Variants in MEI4 observed in about 807,000 individuals in gnomAD.
MEI4 encodes the protein meiotic double-stranded break formation protein 4.
Under a neutral mutation model 31.4 loss-of-function variants are expected in MEI4, and 27 were observed. That is an observed-to-expected ratio of 0.86 (90% CI 0.63 to 1.19). The LOEUF (loss-of-function observed/expected upper bound fraction) is 1.19, where lower values mean the gene tolerates loss of function less well. Among genes scored for constraint, MEI4 ranks in the 50% most tolerant of loss-of-function variants. The pLI is 0.00. For missense variants in MEI4, 329 were observed against 398.9 expected (o/e 0.82, Z 1.49); for synonymous variants, 122 against 145.4 (o/e 0.84, Z 1.16).
chr6:77,883,749 T>G (rs939760745), intron 4 of MEI4, among the ~76,000 whole-genome samples: 30 of 145,850 alleles, frequency 2.1e-4, no homozygotes, highest in Non-Finnish European at 3.9e-4. Flanking sequence ...TATATAACTT[T>G]GTCTTTGTCT....
At chr6:77,898,325 GA>G (rs942327154) in intron 4 of MEI4, among the ~76,000 whole-genome samples, 1 of 151,998 alleles carries the variant, frequency 6.6e-6, no homozygotes, top group Non-Finnish European at 1.5e-5. Context: ...GTTTCCTACT[GA>G]ATTATCATGG....
intron 4 of MEI4, among the ~76,000 whole-genome samples, chr6:77,913,327 C>G (rs1490983690): frequency 6.6e-6 from 1 of 152,042 alleles, no homozygotes; most frequent in East Asian, 1.9e-4. Flanking sequence ...GAATTCACTC[C>G]TCTTCAGTTG....
At chr6:77,887,192 TC>T (rs1184387117) in intron 4 of MEI4, among the ~76,000 whole-genome samples, 1 of 151,948 alleles carries the variant, frequency 6.6e-6, no homozygotes, top group Non-Finnish European at 1.5e-5. Context: ...GTTTTTTTTT[TC>T]CTTCTTAATT....
At chr6:77,715,274 A>G (rs1289503694) in intron 2 of MEI4, among the ~76,000 whole-genome samples, 2 of 152,216 alleles carry the variant, frequency 1.3e-5, no homozygotes, top group Non-Finnish European at 2.9e-5. Context: ...TGGATGAACG[A>G]TAATACTAAA....
At chr6:77,791,572 C>T (rs1317650741) in intron 3 of MEI4, among the ~76,000 whole-genome samples, 1 of 149,302 alleles carries the variant, frequency 6.7e-6, no homozygotes, top group Non-Finnish European at 1.5e-5. Flanking sequence ...GGGAGATATA[C>T]CTAATGCTAG....
intron 4 of MEI4, among the ~76,000 whole-genome samples, chr6:77,864,091 G>A (rs1562016803): frequency 6.6e-6 from 1 of 152,120 alleles, no homozygotes; most frequent in Non-Finnish European, 1.5e-5. Context: ...CACTAAACAT[G>A]GAAAGGAACA....
At chr6:77,842,225 A>G (rs946296648) in intron 4 of MEI4, among the ~76,000 whole-genome samples, 1 of 152,120 alleles carries the variant, frequency 6.6e-6, no homozygotes, top group African/African-American at 2.4e-5. Context: ...CTCCAACCAT[A>G]ATATAATTTT....
Position 77,768,442 on chromosome 6 carries a change from G to A in MEI4, c.768+6777G>A, listed in dbSNP as rs144627880. On this transcript the variant is annotated intron_variant, in intron 3 of 4. Coordinates refer to ENST00000684080, the MANE Select transcript of MEI4 (RefSeq NM_001322247.2). ...GGGCTGGGTGCGGTGGCTCACGCCTGTAACCCCAGCACTTTGGGAGGCTGA... is the reference window on the plus strand; with the variant it reads ...GGGCTGGGTGCGGTGGCTCACGCCTATAACCCCAGCACTTTGGGAGGCTGA... 1.4e-3 allele frequency among the ~76,000 whole-genome samples: 213 copies of A among 152,278 alleles called. 1 individual carries two copies. The highest frequency in any genetic ancestry group is 4.5e-3 in the African/African-American group (187 of 41,554).
chr6:77,859,634 T>C (rs1373026190), intron 4 of MEI4, among the ~76,000 whole-genome samples: 2 of 152,234 alleles, frequency 1.3e-5, no homozygotes, highest in Non-Finnish European at 2.9e-5. Context: ...TGAGCTTTTT[T>C]TCATATGTTT....
At chr6:77,834,331 G>T (rs999917632) in intron 4 of MEI4, among the ~76,000 whole-genome samples, 2 of 147,662 alleles carry the variant, frequency 1.4e-5, no homozygotes, top group African/African-American at 4.9e-5. Context: ...TCAAAAATTA[G>T]TATAATTTTC....
At chr6:77,824,816 T>G (rs189749282) in intron 3 of MEI4, among the ~76,000 whole-genome samples, 1 of 152,310 alleles carries the variant, frequency 6.6e-6, no homozygotes, top group Non-Finnish European at 1.5e-5. Context: ...CCTAAATTCT[T>G]AGTTCACATT....
chr6:77,830,214 T>C (rs1309586327), intron 4 of MEI4, among the ~76,000 whole-genome samples: 1 of 152,054 alleles, frequency 6.6e-6, no homozygotes, highest in African/African-American at 2.4e-5. Flanking sequence ...TAACTGAATG[T>C]AGAGGCATTA....
At position 77,737,668 on chromosome 6, in the gene MEI4, G is replaced by T. The variant is rs546152087; in HGVS notation, c.233-23462G>T. On this transcript the variant is annotated intron_variant, in intron 2 of 4. Coordinates refer to ENST00000684080, the MANE Select transcript of MEI4 (RefSeq NM_001322247.2). Reference sequence around the variant, plus strand: ...AATAAATAAGCCTTGAGACTATTGGGAGTGGGAGTGAGGAGAGCATCACAG... The same window carrying T: ...AATAAATAAGCCTTGAGACTATTGGTAGTGGGAGTGAGGAGAGCATCACAG... Among the ~76,000 whole-genome samples, 8 of 152,300 alleles carry T rather than the reference G, an allele frequency of 5.3e-5. 1 individual carries two copies. The South Asian group carries it at 1.2e-3, about 24-fold the overall frequency.
chr6:77,697,126 T>G (rs1766069610), intron 2 of MEI4, among the ~76,000 whole-genome samples: 2 of 152,218 alleles, frequency 1.3e-5, no homozygotes, highest in Admixed American at 6.5e-5. Context: ...CCGTTATCAT[T>G]TTTTATTGTG....
chr6:77,882,609 G>A (rs1771515897), intron 4 of MEI4, among the ~76,000 whole-genome samples: 1 of 152,100 alleles, frequency 6.6e-6, no homozygotes, highest in Non-Finnish European at 1.5e-5. Context: ...GCGTTGAGAG[G>A]ATATGAATTA....
At chr6:77,777,045 A>C (rs1028773745) in intron 3 of MEI4, among the ~76,000 whole-genome samples, 3 of 152,192 alleles carry the variant, frequency 2.0e-5, no homozygotes, top group Non-Finnish European at 4.4e-5. Context: ...TACTGGGGGT[A>C]AAGTATACAC....
rs1315994932 is a variant in MEI4, at chr6:77,841,314, C to CATATATATATAT, written c.900+12261_900+12272dup. ...TACTGAGAAAGGTTACAAATGTGTG[C>CATATATATATAT]ATATATATATATATATATATTTTTT... On this transcript the variant is annotated intron_variant, in intron 4 of 4. Transcript: ENST00000684080. 6.5e-3 allele frequency among the ~76,000 whole-genome samples: 338 copies of CATATATATATAT among 51,864 alleles called. 16 individuals carry two copies. The highest frequency in any genetic ancestry group is 9.6e-3 in the Middle Eastern group (1 of 104). 34.0% of individuals were successfully genotyped at this position (51,864 alleles called of 152,430 possible). A position where few individuals can be genotyped will look rare whatever the true frequency, so the allele number is the denominator to read the frequency against.
chr6:77,698,048 G>T (rs1480397709), intron 2 of MEI4, among the ~76,000 whole-genome samples: 1 of 152,096 alleles, frequency 6.6e-6, no homozygotes, highest in Non-Finnish European at 1.5e-5. Context: ...TTTGATCTTT[G>T]TTGGTTTAAA....
At chr6:77,909,749 C>A (rs1465382453) in intron 4 of MEI4, among the ~76,000 whole-genome samples, 3 of 151,946 alleles carry the variant, frequency 2.0e-5, no homozygotes, top group Non-Finnish European at 4.4e-5. Flanking sequence ...GGCAGAGACA[C>A]AACAAAAAAA....
Sources: allele counts gnomAD v4.1 joint callset (sites outside exome capture counted in the v4.1 genomes callset), GRCh38; gene constraint gnomAD v4.1.1; transcripts MANE v1.5; gene names NCBI Gene and HGNC (gene_info 2026-07-23, HGNC 2026-07-21).